Variants in UNC80 observed in about 807,000 individuals in gnomAD.
UNC80 encodes the protein protein unc-80 homolog.
UNC80 carries 164 observed loss-of-function variants against 384.6 expected under a neutral mutation model. The observed-to-expected ratio is 0.43, with a 90% confidence interval of 0.38 to 0.49. The LOEUF is 0.49. Ranked by LOEUF, UNC80 falls within the 20% of genes least tolerant of loss-of-function variation. The pLI, the probability that UNC80 is intolerant of heterozygous loss-of-function variation, is 0.00. For missense variants in UNC80, 3,330 were observed against 4,143.0 expected, an observed-to-expected ratio of 0.80 and a Z score of 5.39; for synonymous variants, 1,486 against 1,527.8, an observed-to-expected ratio of 0.97 and a Z score of 0.64.
chr2:209,953,983 G>A (rs2124994206), intron 47 of UNC80, 117 bp from the exon 48 acceptor site: 1 of 1,152,752 alleles, frequency 8.7e-7, no homozygotes. Context: ...GAGTGGCAAG[G>A]GGCCTTAGAA....
intron 7 of UNC80, chr2:209,808,671 T>G (rs1490621091): frequency 2.7e-5 from 3 of 109,684 alleles, no homozygotes; most frequent in Admixed American, 1.9e-4. Flanking sequence ...GCCGGAAAGG[T>G]CCCACCCTGC....
intron 31 of UNC80, among the ~76,000 whole-genome samples, chr2:209,916,366 G>A (rs1185010331): frequency 2.0e-5 from 3 of 152,148 alleles, no homozygotes; most frequent in Non-Finnish European, 4.4e-5. Context: ...TCTTCAAGGA[G>A]ATTATGAAGG....
intron 39 of UNC80, 80 bp downstream of exon 39, chr2:209,934,085 C>T (rs2091077666): frequency 2.2e-6 from 3 of 1,337,358 alleles, no homozygotes; most frequent in Non-Finnish European, 3.0e-6. Flanking sequence ...GAGTCTCTTT[C>T]ATTCATGAGA....
At chr2:209,855,845 G>C (rs2082872778) in intron 22 of UNC80, among the ~76,000 whole-genome samples, 1 of 151,906 alleles carries the variant, frequency 6.6e-6, no homozygotes, top group African/African-American at 2.4e-5. Flanking sequence ...CTCATGAATG[G>C]TATTCATTTG....
chr2:209,910,491 T>C (rs73078946), intron 29 of UNC80, among the ~76,000 whole-genome samples: 5,567 of 152,088 alleles, frequency 0.037, 345 homozygotes, highest in African/African-American at 0.13. Context: ...GCAGCTTCCT[T>C]CCTTTTCCAC....
chr2:209,841,943 CT>C (rs1277833310), intron 20 of UNC80, among the ~76,000 whole-genome samples: 1 of 152,186 alleles, frequency 6.6e-6, no homozygotes, highest in African/African-American at 2.4e-5. Flanking sequence ...TTACCTTATA[CT>C]GATTCTTTCA....
intron 26 of UNC80, among the ~76,000 whole-genome samples, chr2:209,892,922 C>G (rs2086479856): frequency 6.6e-6 from 1 of 152,156 alleles, no homozygotes; most frequent in African/African-American, 2.4e-5. Context: ...AAATTCTACT[C>G]AGATGTGTTC....
At chr2:209,995,215 T>G (rs2093463997) in intron 64 of UNC80, 114 bp from the exon 65 acceptor site, 1 of 1,356,624 alleles carries the variant, frequency 7.4e-7, no homozygotes, top group Admixed American at 2.3e-5. Flanking sequence ...AGGCTGGAAC[T>G]GGGACTAGCC....
rs758499711 is a variant in UNC80, at chr2:209,813,749, C to G, written c.1108C>G (p.Pro370Ala). The G allele has an allele frequency of 2.6e-6, 4 of 1,551,860 alleles. No homozygotes were observed. The highest frequency in any genetic ancestry group is 1.2e-5 in the South Asian group (1 of 84,062). ...CATGTTGGAAGAGAAGCCAGAAAAG[C>G]CTCCGGAGCCAGATATTCCTCTCCT... is the stretch of plus-strand genomic sequence containing the variant. Reference protein sequence around the residue: ...RHMLEEKPEKPPEPDIPLLPR... With the variant: ...RHMLEEKPEKAPEPDIPLLPR... Residue 370 changes from proline (P) to alanine (A), a missense_variant, in exon 8 of 65, where the codon CCT (proline) becomes GCT (alanine). Around this residue, in one of 8 missense-constraint regions of UNC80, gnomAD observed 937 missense variants for 1,026.8 expected, o/e 0.91. Coordinates refer to ENST00000673920, the MANE Select transcript of UNC80 (RefSeq NM_001371986.1).
chr2:209,856,801 T>C (rs867009982), intron 22 of UNC80, among the ~76,000 whole-genome samples: 1 of 151,810 alleles, frequency 6.6e-6, no homozygotes, highest in Middle Eastern at 3.4e-3. Context: ...TATTTTTTCG[T>C]TTTTGAGATG....
intron 21 of UNC80, among the ~76,000 whole-genome samples, chr2:209,847,943 TG>T (rs2082276397): frequency 6.6e-6 from 1 of 152,086 alleles, no homozygotes; most frequent in Admixed American, 6.6e-5. Context: ...TTATTTGAAA[TG>T]TCTCTTTAAT....
intron 15 of UNC80, among the ~76,000 whole-genome samples, chr2:209,830,094 A>G (rs533519386): frequency 2.0e-5 from 3 of 152,364 alleles, no homozygotes; most frequent in African/African-American, 4.8e-5. Flanking sequence ...TGAATAAAAT[A>G]CACATTTTAA....
chr2:209,856,250 C>G (rs909002426), intron 22 of UNC80, among the ~76,000 whole-genome samples: 1 of 152,020 alleles, frequency 6.6e-6, no homozygotes, highest in Non-Finnish European at 1.5e-5. Flanking sequence ...TCTGTTTCTG[C>G]TTTGGTAAAA....
chr2:209,915,879 T>G (rs2089479640), intron 31 of UNC80, among the ~76,000 whole-genome samples: 1 of 152,162 alleles, frequency 6.6e-6, no homozygotes, highest in Non-Finnish European at 1.5e-5. Flanking sequence ...AGACAGGACT[T>G]GAAATGTTTC....
chr2:209,886,719 GC>G (rs1401046377), intron 25 of UNC80, among the ~76,000 whole-genome samples: 3 of 152,312 alleles, frequency 2.0e-5, no homozygotes, highest in African/African-American at 7.2e-5. Context: ...AGGCTGAACT[GC>G]CTTTCCCCAC....
intron 13 of UNC80, among the ~76,000 whole-genome samples, chr2:209,824,915 AT>A (rs2080402105): frequency 6.6e-6 from 1 of 152,206 alleles, no homozygotes; most frequent in South Asian, 2.1e-4. Context: ...TTGCAGAACA[AT>A]TCTCATCCAT....
chr2:209,786,261 T>A, intron 5 of UNC80, 72 bp downstream of exon 5: 17 of 1,511,600 alleles, frequency 1.1e-5, no homozygotes, highest in Non-Finnish European at 1.5e-5. Flanking sequence ...AGTGATGGGA[T>A]AATTTGCCCC....
chr2:209,969,521 T>C lies in UNC80; in HGVS notation c.8007-247T>C, dbSNP rs2092823607. Reference sequence around the variant, plus strand: ...AAAGCTAAAACCAGGGAAATTAAAATGCAACCCATTCATCATCTCTGTTTT... The same window carrying C: ...AAAGCTAAAACCAGGGAAATTAAAACGCAACCCATTCATCATCTCTGTTTT... On this transcript the variant is annotated intron_variant, in intron 52 of 64. Coordinates refer to ENST00000673920, the MANE Select transcript of UNC80 (RefSeq NM_001371986.1). The C allele has an allele frequency of 3.0e-5, 15 of 498,870 alleles. 2 individuals carry two copies. In the Middle Eastern group the frequency reaches 6.3e-3, roughly 208 times the overall value. 30.9% of individuals were successfully genotyped at this position (498,870 alleles called of 1,614,324 possible).
Position 209,834,126 on chromosome 2 carries a change from T to C in UNC80, c.2900T>C (p.Val967Ala). The change falls in exon 17 of 65, where the codon GTG becomes GCG. Residue 967 changes from valine to alanine, a missense_variant. By Grantham distance (64) the Val-to-Ala change is moderately conservative (BLOSUM62 0). Around this residue, in one of 8 missense-constraint regions of UNC80, gnomAD observed 801 missense variants for 950.8 expected, o/e 0.84. Coordinates refer to ENST00000673920, the MANE Select transcript of UNC80 (RefSeq NM_001371986.1). Reference sequence around the variant, plus strand: ...GAGAAGTTAGCACCAGGGAAAAAGGTGGAGGAGAATGAACAGGAATCTAAG... The same window carrying C: ...GAGAAGTTAGCACCAGGGAAAAAGGCGGAGGAGAATGAACAGGAATCTAAG... ...SAEKLAPGKK[V>A]EENEQESKPA... is the part of the protein sequence containing the mutation. 6.4e-7 allele frequency: 1 copy of C among 1,551,296 alleles called. No homozygotes were observed. The highest frequency in any genetic ancestry group is 8.7e-7 in the Non-Finnish European group (1 of 1,146,902).
Sources: allele counts gnomAD v4.1 joint callset (sites outside exome capture counted in the v4.1 genomes callset), GRCh38; gene constraint gnomAD v4.1.1; regional missense constraint gnomAD v4.1.1; transcripts MANE v1.5; gene names NCBI Gene and HGNC (gene_info 2026-07-23, HGNC 2026-07-21).